PAPSS2: variants seen among roughly 807,000 people sequenced by gnomAD.
PAPSS2 encodes the protein 3'-phosphoadenosine 5'-phosphosulfate synthase 2.
A neutral mutation model predicts 66.5 loss-of-function variants in PAPSS2; 61 were observed. The observed-to-expected ratio is 0.92, with a 90% confidence interval of 0.75 to 1.14. The LOEUF (loss-of-function observed/expected upper bound fraction) is 1.14. PAPSS2 is among the 50% of genes most tolerant of loss of function. The pLI, the probability that PAPSS2 is intolerant of heterozygous loss-of-function variation, is 0.00. For missense variants in PAPSS2, 708 were observed against 789.6 expected (o/e 0.90, Z 1.24); for synonymous variants, 289 against 287.5 (o/e 1.01, Z -0.05).
At chr10:87,688,106 A>G (rs921966293) in intron 1 of PAPSS2, among the ~76,000 whole-genome samples, 1 of 152,134 alleles carries the variant, frequency 6.6e-6, no homozygotes, top group Admixed American at 6.6e-5. Flanking sequence ...ATCTTACTAT[A>G]AAGTAAAAAT....
Position 87,743,461 on chromosome 10 carries a change from G to A in PAPSS2, c.1311G>A (p.Arg437=), listed in dbSNP as rs1161044710. The A allele has an allele frequency of 1.9e-6, 3 of 1,614,120 alleles. No individual in the cohort carries two copies. The highest frequency in any genetic ancestry group is 1.7e-5 in the Admixed American group (1 of 60,030). ...MQDTRRRLLE[R]GYKHPVLLLH... ...ACACTCGCCGCAGGCTCCTAGAGAGGGGCTACAAGCACCCGGTCCTCCTAC... is the reference window on the plus strand; with the variant it reads ...ACACTCGCCGCAGGCTCCTAGAGAGAGGCTACAAGCACCCGGTCCTCCTAC... The change falls in exon 11 of 13, where the codon AGG becomes AGA. Residue 437 remains arginine (R), a synonymous_variant. Coordinates refer to ENST00000456849, the MANE Select transcript of PAPSS2 (RefSeq NM_001015880.2).
chr10:87,710,185 T>C (rs1372181557), intron 2 of PAPSS2, among the ~76,000 whole-genome samples: 1 of 152,244 alleles, frequency 6.6e-6, no homozygotes, highest in Non-Finnish European at 1.5e-5. Context: ...ATCTGGCAGG[T>C]GGGGACCTGC....
In PAPSS2 at chr10:87,721,742, T is replaced by G. The variant is rs1853601057; in HGVS notation, c.866-14T>G. Reference sequence around the variant, plus strand: ...AGCTGAAAATGTTTCTTAATTGTGTTTATATTTCCCTAGGCATGGCCCTTC... The same window carrying G: ...AGCTGAAAATGTTTCTTAATTGTGTGTATATTTCCCTAGGCATGGCCCTTC... On this transcript the variant is annotated splice_polypyrimidine_tract_variant and intron_variant, in intron 7 of 12. Transcript: ENST00000456849. 6.5e-7 allele frequency: 1 copy of G among 1,530,736 alleles called. No individual in the cohort carries two copies. Among genetic ancestry groups the G allele is most frequent in the East Asian group, 2.4e-5 (1 of 41,300 alleles). 94.8% of individuals were successfully genotyped at this position (1,530,736 alleles called of 1,614,324 possible).
At chr10:87,714,295 T>A (rs1477446416) in intron 4 of PAPSS2, 113 bp downstream of exon 4, 2 of 1,100,222 alleles carry the variant, frequency 1.8e-6, no homozygotes, top group Non-Finnish European at 2.7e-6. Context: ...AAATTGCATA[T>A]AACATGCACA....
chr10:87,725,286 A>C (rs899893445), intron 8 of PAPSS2, among the ~76,000 whole-genome samples: 1 of 152,204 alleles, frequency 6.6e-6, no homozygotes, highest in Non-Finnish European at 1.5e-5. Context: ...TTTGTGGTCC[A>C]GCTGTCATTG....
chr10:87,738,865 C>G (rs1445399162), intron 9 of PAPSS2, among the ~76,000 whole-genome samples: 1 of 152,142 alleles, frequency 6.6e-6, no homozygotes, highest in Non-Finnish European at 1.5e-5. Context: ...TTGCCTATTT[C>G]TTAATTGGGT....
Position 87,747,267 on chromosome 10 carries a change from T to C in PAPSS2, c.*1297T>C, listed in dbSNP as rs963932408. The C allele has an allele frequency of 2.0e-5, 3 of 152,244 alleles. No individual in the cohort carries two copies. The highest frequency in any genetic ancestry group is 4.4e-5 in the Non-Finnish European group (3 of 68,046). The allele number at this position is 152,244 out of a possible 1,614,324, so 9.4% of individuals were successfully genotyped here. ...TTTACTTCCTGAGAGGCAATGTTTT[T>C]ACTTTATGCATAATTCATTGTTGCC... On this transcript the variant is annotated 3_prime_UTR_variant, in exon 13 of 13. Coordinates refer to ENST00000456849, the MANE Select transcript of PAPSS2 (RefSeq NM_001015880.2).
intron 1 of PAPSS2, among the ~76,000 whole-genome samples, chr10:87,682,877 C>CT (rs1292364920): frequency 6.6e-6 from 1 of 151,948 alleles, no homozygotes; most frequent in African/African-American, 2.4e-5. Context: ...AGCTGGAAGC[C>CT]TTTTTTCTCC....
chr10:87,713,330 A>G lies in PAPSS2; in HGVS notation c.381+20A>G. On this transcript the variant is annotated intron_variant, in intron 3 of 12. Transcript: ENST00000456849. ...GCAAAGGTAAAAAAAAAAAAAAAAA[A>G]AAAAGGCACTACACACGATTCCCAC... 2.1e-6 allele frequency: 3 copies of G among 1,395,726 alleles called. No individual in the cohort carries two copies. Among genetic ancestry groups the G allele is most frequent in the South Asian group, 1.2e-5 (1 of 83,596 alleles). 86.5% of individuals were successfully genotyped at this position (1,395,726 alleles called of 1,614,324 possible).
chr10:87,744,725 T>G (rs1341576595), intron 11 of PAPSS2, among the ~76,000 whole-genome samples: 1 of 152,150 alleles, frequency 6.6e-6, no homozygotes, highest in Non-Finnish European at 1.5e-5. Context: ...ATAGTAAGAT[T>G]TGAGTGTTCT....
chr10:87,732,967 G>A (rs1564726876), intron 9 of PAPSS2, among the ~76,000 whole-genome samples: 1 of 152,224 alleles, frequency 6.6e-6, no homozygotes, highest in Non-Finnish European at 1.5e-5. Flanking sequence ...AAAAGTGAGA[G>A]AGATTGATGA....
chr10:87,688,142 T>G (rs1342678455), intron 1 of PAPSS2, among the ~76,000 whole-genome samples: 1 of 152,098 alleles, frequency 6.6e-6, no homozygotes, highest in Admixed American at 6.6e-5. Flanking sequence ...AAGGAATTTA[T>G]AATTCATTAA....
chr10:87,714,449 A>G (rs750185000), intron 4 of PAPSS2, among the ~76,000 whole-genome samples: 1 of 152,164 alleles, frequency 6.6e-6, no homozygotes, highest in Non-Finnish European at 1.5e-5. Context: ...GTGTGTGTGT[A>G]GAGGAGTGTT....
intron 2 of PAPSS2, among the ~76,000 whole-genome samples, chr10:87,710,793 G>T (rs1853454163): frequency 6.6e-6 from 1 of 152,136 alleles, no homozygotes; most frequent in South Asian, 2.1e-4. Flanking sequence ...CTGACATCAG[G>T]AGTTCAAGAC....
At chr10:87,732,566 A>T (rs1853742843) in intron 9 of PAPSS2, among the ~76,000 whole-genome samples, 1 of 152,174 alleles carries the variant, frequency 6.6e-6, no homozygotes, top group South Asian at 2.1e-4. Flanking sequence ...TTAAAGACAT[A>T]ATGCCATTGC....
chr10:87,701,879 A>G (rs1181697809), intron 1 of PAPSS2, among the ~76,000 whole-genome samples: 1 of 152,240 alleles, frequency 6.6e-6, no homozygotes, highest in East Asian at 1.9e-4. Flanking sequence ...GGGAAAAAAC[A>G]GTAAAAATAC....
At chr10:87,703,291 G>A (rs894669996) in intron 1 of PAPSS2, among the ~76,000 whole-genome samples, 25 of 150,378 alleles carry the variant, frequency 1.7e-4, no homozygotes, top group African/African-American at 6.1e-4. Flanking sequence ...GTGTGTGTGT[G>A]TGTGTGTGTG....
chr10:87,684,171 A>G (rs1053424608), intron 1 of PAPSS2, among the ~76,000 whole-genome samples: 4 of 152,248 alleles, frequency 2.6e-5, no homozygotes, highest in Non-Finnish European at 5.9e-5. Context: ...TGAAGATTGA[A>G]GCCAGCCTGT....
At chr10:87,680,278 C>G (rs954912517) in intron 1 of PAPSS2, among the ~76,000 whole-genome samples, 1 of 152,156 alleles carries the variant, frequency 6.6e-6, no homozygotes, top group Non-Finnish European at 1.5e-5. Context: ...GGGAGCCTTC[C>G]TTTATTTGGT....
Sources: gnomAD v4.1 joint callset for allele counts (sites outside exome capture counted in the v4.1 genomes callset) on GRCh38, gnomAD v4.1.1 for gene constraint, MANE v1.5 for transcripts, NCBI Gene and HGNC (gene_info 2026-07-23, HGNC 2026-07-21) for gene names.